The following PRR19 variants were observed in gnomAD, a reference collection of about 807,000 sequenced individuals.
PRR19 encodes the protein proline rich 19.
Under a neutral mutation model 19.2 loss-of-function variants are expected in PRR19, and 9 were observed. The observed-to-expected ratio is 0.47, with a 90% CI of 0.28 to 0.82. PRR19 has a LOEUF of 0.82. Among genes scored for constraint, PRR19 ranks in the 40% least tolerant of loss-of-function variants. PRR19 has a pLI of 0.11. For missense variants in PRR19, 457 were observed against 466.0 expected, an observed-to-expected ratio of 0.98 and a Z score of 0.18; for synonymous variants, 190 against 191.0, an observed-to-expected ratio of 0.99 and a Z score of 0.04.
rs770937675 is a variant in PRR19, at chr19:42,310,739, G to C, written c.1070G>C (p.Ter357SerextTer?). The C allele has an allele frequency of 2.0e-6, 3 of 1,524,460 alleles. No homozygotes were observed. The highest frequency in any genetic ancestry group is 2.6e-6 in the Non-Finnish European group (3 of 1,134,658). The allele number at this position is 1,524,460 out of a possible 1,614,324, so 94.4% of individuals were successfully genotyped here. A position where few individuals can be genotyped will look rare whatever the true frequency, so the allele number is the denominator to read the frequency against. ...TCTTTTCCACCCATGAGACTGTACT[G>C]AGGAGAGGCTGAGGCTAGGGCTGGG... ...AWSFPPMRLY[*>S] Residue 357 changes from the stop codon to serine, a stop_lost, in exon 3 of 3, where the codon TGA becomes TCA. Transcript: ENST00000341747.
rs751896646 is a variant in PRR19 at position 42,309,935 on chromosome 19, C to A, written c.351C>A (p.Ala117=). ...SPSPGRAQEP[A]PRSRDKENQV... is the part of the protein sequence containing the mutation. ...GCCCAGGCAGGGCCCAGGAACCAGC[C>A]CCACGGTCCAGGGACAAAGAGAACC... is the stretch of plus-strand genomic sequence containing the variant. Residue 117 remains alanine (A), a synonymous_variant, in exon 2 of 3, where the codon GCC becomes GCA. Coordinates refer to ENST00000341747, the MANE Select transcript of PRR19 (RefSeq NM_199285.3). 1.2e-5 allele frequency: 20 copies of A among 1,613,802 alleles called. No homozygotes were observed. The highest frequency in any genetic ancestry group is 1.6e-5 in the Non-Finnish European group (19 of 1,179,854).
intron 1 of PRR19, among the ~76,000 whole-genome samples, chr19:42,305,177 C>A (rs988895822): frequency 6.6e-6 from 1 of 151,412 alleles, no homozygotes; most frequent in African/African-American, 2.4e-5. Flanking sequence ...CCACTGCACT[C>A]CAGCCTCAGT....
At chr19:42,305,317 C>A (rs2038696299) in intron 1 of PRR19, among the ~76,000 whole-genome samples, 1 of 150,628 alleles carries the variant, frequency 6.6e-6, no homozygotes, top group Non-Finnish European at 1.5e-5. Flanking sequence ...CTCGCTCTGT[C>A]GCCTAGGCTG....
At chr19:42,304,442 G>A (rs1227702382) in intron 1 of PRR19, among the ~76,000 whole-genome samples, 1 of 140,198 alleles carries the variant, frequency 7.1e-6, no homozygotes, top group Non-Finnish European at 1.5e-5. Flanking sequence ...AACACAGTGA[G>A]ACCCTGTCTA....
rs916605136 is a variant in PRR19 at position 42,310,253 on chromosome 19, T to C, written c.602-18T>C. On this transcript the variant is annotated intron_variant, in intron 2 of 2. Coordinates refer to ENST00000341747, the MANE Select transcript of PRR19 (RefSeq NM_199285.3). ...GCTCTAGCTCAGCTAGCCTCTATGCTTCTTTCCTCTGTGCCAGGGGCCAAG... is the reference window on the plus strand; with the variant it reads ...GCTCTAGCTCAGCTAGCCTCTATGCCTCTTTCCTCTGTGCCAGGGGCCAAG... 1 of 1,614,038 alleles carries C rather than the reference T, an allele frequency of 6.2e-7. No individual in the cohort carries two copies. Among genetic ancestry groups the C allele is most frequent in the Admixed American group, 1.7e-5 (1 of 60,022 alleles).
chr19:42,307,913 G>A (rs2038732212), intron 1 of PRR19, among the ~76,000 whole-genome samples: 1 of 151,046 alleles, frequency 6.6e-6, no homozygotes, highest in South Asian at 2.1e-4. Context: ...GCCCGCCACC[G>A]CGCCCGGCTA....
In PRR19 at chr19:42,310,330, C is replaced by T; in HGVS notation, c.661C>T (p.Gln221Ter). The change falls in exon 3 of 3, where the codon CAA becomes TAA. Residue 221 changes from glutamine (Q) to a stop codon, truncating the protein, a stop_gained. Transcript: ENST00000341747. LOFTEE classifies it low-confidence loss of function (END_TRUNC). ...MTPFWINSPD[Q>*]VPEQERQRKQ... ...ACCCTTCTGGATTAATAGCCCTGATCAAGTCCCAGAGCAGGAGAGGCAAAG... is the reference window on the plus strand; with the variant it reads ...ACCCTTCTGGATTAATAGCCCTGATTAAGTCCCAGAGCAGGAGAGGCAAAG... The T allele has an allele frequency of 6.2e-7, 1 of 1,614,102 alleles. No homozygotes were observed. The highest frequency in any genetic ancestry group is 8.5e-7 in the Non-Finnish European group (1 of 1,180,006).
At chr19:42,306,038 A>C (rs922849165) in intron 1 of PRR19, among the ~76,000 whole-genome samples, 2 of 151,980 alleles carry the variant, frequency 1.3e-5, no homozygotes, top group Non-Finnish European at 2.9e-5. Context: ...CATGTGGCCT[A>C]ATTTTTGTTC....
Position 42,302,634 on chromosome 19 carries a change from CA to C in PRR19, c.-7+132del. 8.7e-6 allele frequency: 3 copies of C among 346,784 alleles called. No individual in the cohort carries two copies. The South Asian group carries it at 1.2e-4, about 14-fold the overall frequency. The allele number at this position is 346,784 out of a possible 1,614,324, so 21.5% of individuals were successfully genotyped here. A position where few individuals can be genotyped will look rare whatever the true frequency, so the allele number is the denominator to read the frequency against. ...GGGTGGGGGGAGGGAGAGGCGAGAC[CA>C]TCCAGCTCCCGAGGCGGGGAGGAGG... is the stretch of plus-strand genomic sequence containing the variant. On this transcript the variant is annotated intron_variant, in intron 1 of 2. Transcript: ENST00000341747.
intron 1 of PRR19, among the ~76,000 whole-genome samples, chr19:42,308,205 C>T (rs182645067): frequency 5.8e-4 from 88 of 152,138 alleles, no homozygotes; most frequent in Admixed American, 1.0e-3. Context: ...CAATCTCTCT[C>T]TGCTCACTTA....
In PRR19 at chr19:42,309,602, A is replaced by G. The variant is rs774665692; in HGVS notation, c.18A>G (p.Pro6=). 15 of 1,526,424 alleles carry G rather than the reference A, an allele frequency of 9.8e-6. No individual in the cohort carries two copies. The highest frequency in any genetic ancestry group is 1.2e-5 in the Non-Finnish European group (14 of 1,134,848). The allele number at this position is 1,526,424 out of a possible 1,614,324, so 94.6% of individuals were successfully genotyped here. Residue 6 remains proline, a synonymous_variant, in exon 2 of 3, where the codon CCA becomes CCG. Coordinates refer to ENST00000341747, the MANE Select transcript of PRR19 (RefSeq NM_199285.3). The part of the protein sequence containing the change: MDTQG[P]VSQPFQQPEK... ...AGGACACCATGGATACCCAGGGACC[A>G]GTCTCCCAGCCTTTTCAGCAGCCTG...
intron 1 of PRR19, among the ~76,000 whole-genome samples, chr19:42,306,596 G>T (rs1056341009): frequency 6.6e-6 from 1 of 152,236 alleles, no homozygotes; most frequent in Non-Finnish European, 1.5e-5. Context: ...GAGCCACCAC[G>T]CCCGGCCAAC....
chr19:42,307,797 A>G (rs1163643723), intron 1 of PRR19, among the ~76,000 whole-genome samples: 3 of 93,862 alleles, frequency 3.2e-5, no homozygotes, highest in African/African-American at 1.3e-4. Context: ...TCGCTCGGTC[A>G]TCCAGGCTGG....
chr19:42,307,424 T>TTTG (rs139388795), intron 1 of PRR19, among the ~76,000 whole-genome samples: 2,040 of 150,942 alleles, frequency 0.014, 21 homozygotes, highest in East Asian at 0.033. Flanking sequence ...CCCTCCATCT[T>TTTG]TTGTTGTTGT....
intron 1 of PRR19, among the ~76,000 whole-genome samples, chr19:42,307,779 A>T (rs1247910172): frequency 9.9e-4 from 82 of 83,046 alleles, no homozygotes; most frequent in Admixed American, 1.4e-3. Flanking sequence ...TTTTTTTGAG[A>T]TGGAGTCTCG....
In PRR19 at chr19:42,309,894, G is replaced by A. The variant is rs997818126; in HGVS notation, c.310G>A (p.Ala104Thr). Residue 104 changes from alanine to threonine, a missense_variant, in exon 2 of 3, where the codon GCC becomes ACC. By Grantham distance (58) the Ala-to-Thr change is moderately conservative. Coordinates refer to ENST00000341747, the MANE Select transcript of PRR19 (RefSeq NM_199285.3). ...GGTGCCAGGCAGCCCCACACTCCCC[G>A]CCAAGCCCTCCCCAAGCCCAGGCAG... ...TLVPGSPTLP[A>T]KPSPSPGRAQ... 1.7e-5 allele frequency: 27 copies of A among 1,613,722 alleles called. No homozygotes were observed. The highest frequency in any genetic ancestry group is 1.6e-4 in the Middle Eastern group (1 of 6,080).
chr19:42,302,714 T>C, intron 1 of PRR19: 1 of 205,200 alleles, frequency 4.9e-6, no homozygotes, highest in South Asian at 7.0e-5. Flanking sequence ...GAGTCGAGAG[T>C]GGGCGGGGAA....
At position 42,310,177 on chromosome 19, in the gene PRR19, C is replaced by T. The variant is rs1282157686; in HGVS notation, c.593C>T (p.Pro198Leu). Residue 198 changes from proline to leucine, a missense_variant, in exon 2 of 3, where the codon CCC becomes CTC. Transcript: ENST00000341747. ...CTGGTGCTTCGGGGCTGCCAGCCAC[C>T]CTTGCCAGGTGAGCGTCCCTCCTGC... ...LALVLRGCQPPLPGAKPGVSE... is the reference protein window; with the variant it reads ...LALVLRGCQPLLPGAKPGVSE... The T allele has an allele frequency of 6.2e-7, 1 of 1,613,932 alleles. No homozygotes were observed. The highest frequency in any genetic ancestry group is 8.5e-7 in the Non-Finnish European group (1 of 1,180,034).
rs372670058 is a variant in PRR19, at chr19:42,305,284, ATT to A, written c.-7+2794_-7+2795del. On this transcript the variant is annotated intron_variant, in intron 1 of 2. Transcript: ENST00000341747. ...CTTCAAGTCAGTGATATAAGAGAGA[ATT>A]TTTTTTTTTTTTGATAGAGTCTCGC... 1.6e-3 allele frequency among the ~76,000 whole-genome samples: 238 copies of A among 146,286 alleles called. 1 individual carries two copies. The highest frequency in any genetic ancestry group is 5.6e-3 in the African/African-American group (227 of 40,196).
Sources: allele counts gnomAD v4.1 joint callset (sites outside exome capture counted in the v4.1 genomes callset), GRCh38; gene constraint gnomAD v4.1.1; transcripts MANE v1.5; gene names NCBI Gene and HGNC (gene_info 2026-07-23, HGNC 2026-07-21).